TTC28: variants seen among roughly 807,000 people sequenced by gnomAD.
TTC28 encodes tetratricopeptide repeat protein 28.
A neutral mutation model predicts 198.0 loss-of-function variants in TTC28; 61 were observed. That is an observed-to-expected ratio of 0.31 (90% CI 0.25 to 0.38). The LOEUF (loss-of-function observed/expected upper bound fraction) is 0.38, where lower values mean the gene tolerates loss of function less well. TTC28 is among the 10% of genes least tolerant of loss of function. The pLI is 1.00. For synonymous variants in TTC28, 1,171 were observed against 1,297.8 expected (o/e 0.90, Z 2.10); for missense variants, 2,678 against 3,164.0 (o/e 0.85, Z 3.69).
In TTC28 at chr22:28,629,838, CAAAG is replaced by C; in HGVS notation, c.103-12_103-9del. ...AGCACCAAAGAGAGGAATCTACAAACAAAGAAACTTTATCAGAAAAAGTTCAGAT... is the reference window on the plus strand; with the variant it reads ...AGCACCAAAGAGAGGAATCTACAAACAAACTTTATCAGAAAAAGTTCAGAT... On this transcript the variant is annotated splice_polypyrimidine_tract_variant and intron_variant, in intron 1 of 22. Coordinates refer to ENST00000397906, the MANE Select transcript of TTC28 (RefSeq NM_001145418.2). The C allele has an allele frequency of 6.5e-7, 1 of 1,539,918 alleles. No homozygotes were observed. Among genetic ancestry groups the C allele is most frequent in the South Asian group, 1.2e-5 (1 of 82,144 alleles).
chr22:28,642,829 T>C (rs1324336590), intron 1 of TTC28: 1 of 152,234 alleles, frequency 6.6e-6, no homozygotes, highest in Admixed American at 6.5e-5. Context: ...GGTCGTTTAA[T>C]TTTTTATTTT....
At chr22:28,109,631 A>C (rs1452149678) in intron 6 of TTC28, among the ~76,000 whole-genome samples, 1 of 152,230 alleles carries the variant, frequency 6.6e-6, no homozygotes, top group African/African-American at 2.4e-5. Flanking sequence ...ACATATCATA[A>C]CTATAAAGTG....
rs192792980 is a variant in TTC28, at chr22:28,557,722, T to A, written c.381+71830A>T. Among the ~76,000 whole-genome samples, 231 of 152,356 alleles carry A rather than the reference T, an allele frequency of 1.5e-3. 1 individual carries two copies. Among genetic ancestry groups the A allele is most frequent in the African/African-American group, 4.7e-3 (194 of 41,588 alleles). ...TTCTGTATTTGGTCATCTTGGATTG[T>A]GACTTCAAATCTAGTTGATCTTAAA... On this transcript the variant is annotated intron_variant, in intron 2 of 22. Coordinates refer to ENST00000397906, the MANE Select transcript of TTC28 (RefSeq NM_001145418.2).
chr22:28,023,107 T>G (rs1369487893), intron 13 of TTC28, among the ~76,000 whole-genome samples: 2 of 152,142 alleles, frequency 1.3e-5, no homozygotes, highest in Admixed American at 1.3e-4. Flanking sequence ...GCATGTGGCT[T>G]CTCTCCCCTT....
intron 2 of TTC28, among the ~76,000 whole-genome samples, chr22:28,585,577 C>G (rs919581569): frequency 6.6e-6 from 1 of 152,130 alleles, no homozygotes; most frequent in East Asian, 1.9e-4. Context: ...TAACAGGACA[C>G]GGACCAGTAT....
At chr22:28,079,592 T>A (rs963244425) in intron 12 of TTC28, among the ~76,000 whole-genome samples, 1 of 152,192 alleles carries the variant, frequency 6.6e-6, no homozygotes. Flanking sequence ...TAATGTGAAA[T>A]AAGCCAATCA....
At chr22:28,358,772 G>A (rs773165483) in intron 2 of TTC28, among the ~76,000 whole-genome samples, 2 of 152,158 alleles carry the variant, frequency 1.3e-5, no homozygotes, top group Non-Finnish European at 2.9e-5. Context: ...GTGTCCACTG[G>A]TCTATAATGG....
chr22:28,078,339 G>C (rs147114286), intron 12 of TTC28, among the ~76,000 whole-genome samples: 28 of 152,258 alleles, frequency 1.8e-4, no homozygotes, highest in African/African-American at 6.7e-4. Flanking sequence ...CACTAGCCCA[G>C]CATGAACGGA....
chr22:28,201,335 G>A (rs895190242), intron 5 of TTC28, among the ~76,000 whole-genome samples: 4 of 152,226 alleles, frequency 2.6e-5, no homozygotes, highest in South Asian at 4.1e-4. Context: ...CTTCAAACAC[G>A]AAATTATAAT....
rs139365365 is a variant in TTC28, at chr22:28,495,636, G to A, written c.381+133916C>T. Among the ~76,000 whole-genome samples the A allele has an allele frequency of 3.9e-5, 6 of 152,132 alleles. No individual in the cohort carries two copies. The East Asian group carries it at 9.6e-4, about 24-fold the overall frequency. ...CAAAAAATAGTGAATTAAATATAAGGGAATAAAAGGTATTCCTTGTTTGAT... is the reference window on the plus strand; with the variant it reads ...CAAAAAATAGTGAATTAAATATAAGAGAATAAAAGGTATTCCTTGTTTGAT... On this transcript the variant is annotated intron_variant, in intron 2 of 22. Coordinates refer to ENST00000397906, the MANE Select transcript of TTC28 (RefSeq NM_001145418.2).
At chr22:28,233,663 A>G (rs1266777370) in intron 5 of TTC28, among the ~76,000 whole-genome samples, 2 of 152,238 alleles carry the variant, frequency 1.3e-5, no homozygotes, top group Non-Finnish European at 2.9e-5. Context: ...ACAATAAGCC[A>G]TAACTAATGT....
At chr22:28,125,819 TA>T (rs1273389244) in intron 6 of TTC28, among the ~76,000 whole-genome samples, 1 of 152,066 alleles carries the variant, frequency 6.6e-6, no homozygotes, top group African/African-American at 2.4e-5. Context: ...CTTCATCTGT[TA>T]AATAAAAAAA....
intron 1 of TTC28, among the ~76,000 whole-genome samples, chr22:28,678,979 G>A (rs1263849152): frequency 6.6e-6 from 1 of 152,196 alleles, no homozygotes; most frequent in Non-Finnish European, 1.5e-5. Context: ...GGTTTGGGAG[G>A]CAAGGGTGGG....
At chr22:28,474,098 ATCT>A (rs1334194307) in intron 2 of TTC28, among the ~76,000 whole-genome samples, 1 of 152,230 alleles carries the variant, frequency 6.6e-6, no homozygotes, top group Non-Finnish European at 1.5e-5. Flanking sequence ...ACGAATTTAG[ATCT>A]TCTCTCTTCC....
chr22:28,280,666 T>G (rs899893002), intron 5 of TTC28, among the ~76,000 whole-genome samples: 1 of 152,150 alleles, frequency 6.6e-6, no homozygotes, highest in African/African-American at 2.4e-5. Context: ...ACCAACATAT[T>G]TATTATTATC....
intron 21 of TTC28, 69 bp from the exon 22 acceptor site, chr22:27,985,425 T>C (rs1044269395): frequency 8.1e-7 from 1 of 1,232,708 alleles, no homozygotes; most frequent in African/African-American, 1.5e-5. Context: ...ATGAGCGCTA[T>C]AGGGCTCCTT....
intron 12 of TTC28, among the ~76,000 whole-genome samples, chr22:28,082,557 T>C (rs545911372): frequency 3.3e-5 from 5 of 152,344 alleles, no homozygotes; most frequent in Admixed American, 2.6e-4. Flanking sequence ...CGCTGATTGA[T>C]ATTCACAGGT....
At chr22:28,500,222 T>C (rs2146365057) in intron 2 of TTC28, among the ~76,000 whole-genome samples, 1 of 152,304 alleles carries the variant, frequency 6.6e-6, no homozygotes, top group Admixed American at 6.5e-5. Flanking sequence ...ACCACTGATC[T>C]ACTTTCCATC....
chr22:28,429,123 A>G (rs2047396968), intron 2 of TTC28, among the ~76,000 whole-genome samples: 1 of 152,214 alleles, frequency 6.6e-6, no homozygotes, highest in Admixed American at 6.5e-5. Flanking sequence ...GTAAACGCAT[A>G]TAGAAATAAT....
Sources: gnomAD v4.1 joint callset for allele counts (sites outside exome capture counted in the v4.1 genomes callset) on GRCh38, gnomAD v4.1.1 for gene constraint, MANE v1.5 for transcripts, NCBI Gene and HGNC (gene_info 2026-07-23, HGNC 2026-07-21) for gene names.